The following LINGO1 variants were observed in gnomAD, a reference collection of about 807,000 sequenced individuals.
LINGO1 encodes leucine-rich repeat and immunoglobulin-like domain-containing nogo receptor-interacting protein 1.
LINGO1 carries 11 observed loss-of-function variants against 37.3 expected under a neutral mutation model. That is an observed-to-expected ratio of 0.29 (90% CI 0.19 to 0.49). The LOEUF is 0.49. Among genes scored for constraint, LINGO1 ranks in the 20% least tolerant of loss-of-function variants. The pLI is 0.99. For missense variants in LINGO1, 585 were observed against 878.2 expected (o/e 0.67, Z 4.22); for synonymous variants, 387 against 403.0 (o/e 0.96, Z 0.48).
intron 3 of LINGO1, among the ~76,000 whole-genome samples, chr15:77,674,439 T>C (rs779816120): frequency 6.6e-6 from 1 of 152,332 alleles, no homozygotes; most frequent in South Asian, 2.1e-4. Flanking sequence ...CCACTTCATT[T>C]TGGGTAACAG....
chr15:77,686,192 C>T lies in LINGO1; in HGVS notation c.-99+4528G>A, dbSNP rs550707526. 1.8e-4 allele frequency among the ~76,000 whole-genome samples: 27 copies of T among 152,310 alleles called. No homozygotes were observed. The South Asian group carries it at 5.6e-3, about 32-fold the overall frequency. ...GTGGTCGGAGGCCTCAGCCTGATGT[C>T]CCCTGTCCCCCACCCAACTGAGGCC... is the stretch of plus-strand genomic sequence containing the variant. On this transcript the variant is annotated intron_variant, in intron 2 of 3. Transcript: ENST00000559893.
rs2074283567 is a variant in LINGO1, at chr15:77,632,384, C to CCCCAGCCCCTG, written c.-80_-70dup. 3 of 1,331,510 alleles carry CCCCAGCCCCTG rather than the reference C, an allele frequency of 2.3e-6. No homozygotes were observed. Among genetic ancestry groups the CCCCAGCCCCTG allele is most frequent in the Non-Finnish European group, 1.9e-6 (2 of 1,036,392 alleles). The allele number at this position is 1,331,510 out of a possible 1,614,324, so 82.5% of individuals were successfully genotyped here. A position where few individuals can be genotyped will look rare whatever the true frequency, so the allele number is the denominator to read the frequency against. ...TGTCTCTCCAGCCGGCCCGACCAGG[C>CCCCAGCCCCTG]CCCAGCCCCTGCCCAGCCCCCTCCT... On this transcript the variant is annotated 5_prime_UTR_variant, in exon 1 of 2. Transcript: ENST00000355300. This position sits in a 1 kb window ranked among gnomAD's most constrained non-coding sequence, Gnocchi z 6.0.
At chr15:77,783,700 C>T (rs1442548221) in intron 1 of LINGO1, among the ~76,000 whole-genome samples, 1 of 152,186 alleles carries the variant, frequency 6.6e-6, no homozygotes, top group African/African-American at 2.4e-5. Flanking sequence ...GCTGCTGCTG[C>T]TAAAACGAAT....
intron 1 of LINGO1, among the ~76,000 whole-genome samples, chr15:77,777,029 T>C (rs906474882): frequency 1.8e-4 from 28 of 152,244 alleles, no homozygotes; most frequent in Middle Eastern, 6.8e-3. Context: ...TCCCACCATC[T>C]AGGCAAATCT....
chr15:77,759,887 C>T (rs1003746499), intron 1 of LINGO1, among the ~76,000 whole-genome samples: 6 of 152,242 alleles, frequency 3.9e-5, no homozygotes, highest in South Asian at 2.1e-4. Flanking sequence ...GCCCTGGCCA[C>T]GGCCGTGGGG....
chr15:77,790,251 C>G (rs2076808213), upstream of LINGO1, among the ~76,000 whole-genome samples: 1 of 152,234 alleles, frequency 6.6e-6, no homozygotes, highest in Non-Finnish European at 1.5e-5. Context: ...ACCCCTGCCC[C>G]TCTCTAAACC....
rs1312989795 is a variant in LINGO1 at position 77,687,013 on chromosome 15, C to T, written c.-99+3707G>A. 2.0e-5 allele frequency among the ~76,000 whole-genome samples: 3 copies of T among 152,292 alleles called. No individual in the cohort carries two copies. The East Asian group carries it at 5.8e-4, about 29-fold the overall frequency. ...GGAATGGACAAACAGGGCCATTTAC[C>T]CCTTCTACCCTGGCACCTGCTTTTC... On this transcript the variant is annotated intron_variant, in intron 2 of 3. Coordinates refer to the LINGO1 transcript ENST00000559893.
chr15:77,746,027 A>G (rs1300903613), intron 1 of LINGO1, among the ~76,000 whole-genome samples: 2 of 151,790 alleles, frequency 1.3e-5, no homozygotes, highest in African/African-American at 4.8e-5. Flanking sequence ...CTGGGCAACA[A>G]AGTGAAACCC....
In LINGO1 at chr15:77,681,558, T is replaced by C. The variant is rs184085607; in HGVS notation, c.-98-4384A>G. On this transcript the variant is annotated intron_variant, in intron 2 of 3. Transcript: ENST00000559893. ...GCTCTTGGAAAATGCCTGACTAGAA[T>C]TGCTTTGAGGGAGGAGTCCCTGAAT... is the stretch of plus-strand genomic sequence containing the variant. Among the ~76,000 whole-genome samples the C allele has an allele frequency of 2.5e-3, 375 of 152,318 alleles. 2 individuals carry two copies. Among genetic ancestry groups the C allele is most frequent in the African/African-American group, 7.9e-3 (330 of 41,574 alleles).
intron 1 of LINGO1, among the ~76,000 whole-genome samples, chr15:77,745,499 G>GA (rs886264338): frequency 1.3e-5 from 2 of 151,574 alleles, no homozygotes; most frequent in African/African-American, 4.9e-5. Context: ...CTGAAATCCA[G>GA]AATCACTGCC....
chr15:77,765,964 C>T (rs1245589691), intron 1 of LINGO1, among the ~76,000 whole-genome samples: 1 of 152,182 alleles, frequency 6.6e-6, no homozygotes. Context: ...TGGATGTCAG[C>T]TCCACCAGCT....
chr15:77,787,886 C>A (rs2076787262), upstream of LINGO1: 1 of 152,240 alleles, frequency 6.6e-6, no homozygotes, highest in African/African-American at 2.4e-5. Flanking sequence ...CTCCTCTCCC[C>A]AGAACCTGCA....
chr15:77,642,859 C>A (rs138402220), intron 3 of LINGO1, among the ~76,000 whole-genome samples: 1 of 152,224 alleles, frequency 6.6e-6, no homozygotes, highest in African/African-American at 2.4e-5. Flanking sequence ...CTCTCTGCAC[C>A]CCTTATCTCA....
chr15:77,803,826 T>A (rs1184696794), intron 1 of LINGO1, among the ~76,000 whole-genome samples: 2 of 152,176 alleles, frequency 1.3e-5, no homozygotes, highest in East Asian at 3.9e-4. Context: ...ATGCTTCCAA[T>A]ACAGCCTGCA....
chr15:77,773,724 C>T (rs2076608672), intron 1 of LINGO1, among the ~76,000 whole-genome samples: 1 of 151,570 alleles, frequency 6.6e-6, no homozygotes, highest in Non-Finnish European at 1.5e-5. Flanking sequence ...GGTCACACAG[C>T]CTGGGCCGTG....
intron 2 of LINGO1, among the ~76,000 whole-genome samples, chr15:77,702,727 G>C (rs2075800729): frequency 6.6e-6 from 1 of 151,986 alleles, no homozygotes. Flanking sequence ...AGTCTGCCTG[G>C]GCTACACACA....
intron 1 of LINGO1, chr15:77,819,607 C>T (rs939129693): frequency 2.0e-5 from 3 of 151,658 alleles, no homozygotes; most frequent in Admixed American, 6.6e-5. Context: ...CGCGCACACC[C>T]GGCTCCGCAC....
chr15:77,733,780 AC>A (rs1165094067), intron 2 of LINGO1, among the ~76,000 whole-genome samples: 1 of 152,234 alleles, frequency 6.6e-6, no homozygotes, highest in Non-Finnish European at 1.5e-5. Context: ...GATTAGGTCC[AC>A]TGAGCGTAGT....
At chr15:77,802,221 G>A (rs2076925547) in intron 1 of LINGO1, among the ~76,000 whole-genome samples, 1 of 152,092 alleles carries the variant, frequency 6.6e-6, no homozygotes, top group Non-Finnish European at 1.5e-5. Context: ...GTGAACTCTG[G>A]AGGGTGTGTG....
Sources: allele counts gnomAD v4.1 joint callset (sites outside exome capture counted in the v4.1 genomes callset), GRCh38; gene constraint gnomAD v4.1.1; non-coding constraint Gnocchi (gnomAD v3.1); transcripts MANE v1.5; gene names NCBI Gene and HGNC (gene_info 2026-07-23, HGNC 2026-07-21).